The following RHPN2 variants were observed in gnomAD, a reference collection of about 807,000 sequenced individuals.
RHPN2 encodes rhophilin Rho GTPase binding protein 2.
RHPN2 carries 40 observed loss-of-function variants against 79.0 expected under a neutral mutation model. That is an observed-to-expected ratio of 0.51 (90% CI 0.39 to 0.66). The LOEUF (loss-of-function observed/expected upper bound fraction) is 0.66, where lower values mean the gene tolerates loss of function less well. Ranked by LOEUF, RHPN2 falls within the 30% of genes least tolerant of loss-of-function variation. RHPN2 has a pLI of 0.00. For synonymous variants in RHPN2, 285 were observed against 363.5 expected (o/e 0.78, Z 2.46); for missense variants, 686 against 883.5 (o/e 0.78, Z 2.83).
chr19:33,007,902 G>A (rs547268495), intron 7 of RHPN2, 112 bp downstream of exon 7: 1,352 of 1,161,120 alleles, frequency 1.2e-3, no homozygotes, highest in Middle Eastern at 1.5e-3. Context: ...CAGAGCTGGA[G>A]ACTGGTCTGG....
intron 1 of RHPN2, among the ~76,000 whole-genome samples, chr19:33,056,974 G>C (rs1172071773): frequency 2.0e-5 from 3 of 149,174 alleles, no homozygotes; most frequent in Non-Finnish European, 4.4e-5. Context: ...AAAAAAATTA[G>C]CCGGACATGG....
chr19:33,004,347 A>G (rs867684659), intron 7 of RHPN2, among the ~76,000 whole-genome samples: 1 of 151,912 alleles, frequency 6.6e-6, no homozygotes, highest in South Asian at 2.1e-4. Flanking sequence ...ACCAACAAAA[A>G]AAGTTTTTAA....
chr19:33,056,486 C>T (rs934752303), intron 1 of RHPN2, among the ~76,000 whole-genome samples: 2 of 152,004 alleles, frequency 1.3e-5, no homozygotes, highest in African/African-American at 4.8e-5. Context: ...GGGGCAGTTG[C>T]AGAAAAGGAA....
chr19:33,039,843 GA>G (rs11321994), intron 2 of RHPN2, among the ~76,000 whole-genome samples: 22,251 of 89,356 alleles, frequency 0.25, 1,958 homozygotes, highest in East Asian at 0.4. Context: ...GTCTCAAAAA[GA>G]AAAAAAAAAA....
chr19:33,027,103 T>C (rs1971974402), intron 2 of RHPN2: 1 of 257,090 alleles, frequency 3.9e-6, no homozygotes, highest in African/African-American at 2.2e-5. Context: ...TACTAAAAAA[T>C]ACAAAAACTA....
intron 1 of RHPN2, among the ~76,000 whole-genome samples, chr19:33,064,116 G>A (rs1972305704): frequency 6.6e-6 from 1 of 152,128 alleles, no homozygotes; most frequent in Non-Finnish European, 1.5e-5. Flanking sequence ...GACCGGGGCG[G>A]GAGGATCCCT....
intron 5 of RHPN2, 57 bp downstream of exon 5, chr19:33,012,576 CGTGCAATAATGGGG>C: frequency 1.1e-6 from 1 of 921,508 alleles, no homozygotes. Context: ...AGACCACAAG[CGTGCAATAATGGGG>C]TTCCCTGAAG....
intron 2 of RHPN2, among the ~76,000 whole-genome samples, chr19:33,030,421 C>T (rs879527990): frequency 2.0e-5 from 3 of 152,058 alleles, no homozygotes; most frequent in East Asian, 1.9e-4. Flanking sequence ...GGTAAAACCC[C>T]GTCTCTATTA....
intron 11 of RHPN2, among the ~76,000 whole-genome samples, chr19:32,994,961 A>G (rs1971689154): frequency 6.6e-6 from 1 of 152,156 alleles, no homozygotes; most frequent in South Asian, 2.1e-4. Context: ...TCTCAAAAAC[A>G]AACAAACAAA....
intron 1 of RHPN2, among the ~76,000 whole-genome samples, chr19:33,048,725 C>CA (rs58396784): frequency 0.013 from 796 of 62,354 alleles, 31 homozygotes; most frequent in Non-Finnish European, 0.016. Flanking sequence ...GACTCAGTCT[C>CA]AAAAAAAAAA....
At position 33,021,665 on chromosome 19, in the gene RHPN2, G is replaced by A. The variant is rs113512648; in HGVS notation, c.315-19C>T. The A allele has an allele frequency of 2.2e-5, 35 of 1,604,552 alleles. No homozygotes were observed. The highest frequency in any genetic ancestry group is 1.9e-4 in the African/African-American group (14 of 74,874). On this transcript the variant is annotated intron_variant, in intron 3 of 14. Transcript: ENST00000254260. Reference sequence around the variant, plus strand: ...TGCCTCCCTATGAGGAACACAACAAGGTATGTATGAACACCCCCAACCGGA... The same window carrying A: ...TGCCTCCCTATGAGGAACACAACAAAGTATGTATGAACACCCCCAACCGGA...
intron 2 of RHPN2, among the ~76,000 whole-genome samples, chr19:33,040,231 C>CTTTTTTTTTTTTTTTTT (rs1007486362): frequency 1.0e-5 from 1 of 97,790 alleles, no homozygotes; most frequent in Non-Finnish European, 1.9e-5. Flanking sequence ...GGCAACCTGC[C>CTTTTTTTTTTTTTTTTT]TTTTTTTTTT....
At position 32,983,404 on chromosome 19, in the gene RHPN2, T is replaced by C. The variant is rs560080623; in HGVS notation, c.1801-3148A>G. Among the ~76,000 whole-genome samples, 536 of 151,548 alleles carry C rather than the reference T, an allele frequency of 3.5e-3. 2 individuals carry two copies. The highest frequency in any genetic ancestry group is 5.7e-3 in the Non-Finnish European group (384 of 67,862). On this transcript the variant is annotated intron_variant, in intron 14 of 14. Transcript: ENST00000254260. ...GCGGGCACCTGTAGTCCCAGTTACTTGGGAGGCTGAGGCAGGAGAATGGCA... is the reference window on the plus strand; with the variant it reads ...GCGGGCACCTGTAGTCCCAGTTACTCGGGAGGCTGAGGCAGGAGAATGGCA...
intron 1 of RHPN2, among the ~76,000 whole-genome samples, chr19:33,056,657 G>A (rs993248412): frequency 2.6e-5 from 4 of 152,212 alleles, no homozygotes; most frequent in Admixed American, 6.5e-5. Flanking sequence ...AATATAAGTT[G>A]AGAAAGTAAT....
chr19:33,008,322 G>C, intron 6 of RHPN2, 142 bp from the exon 7 acceptor site: 1 of 783,308 alleles, frequency 1.3e-6, no homozygotes, highest in Non-Finnish European at 2.0e-6. Context: ...TGTGATCATA[G>C]CTTACTGCAG....
chr19:32,997,445 A>G (rs748391683), intron 10 of RHPN2, among the ~76,000 whole-genome samples: 7 of 151,838 alleles, frequency 4.6e-5, no homozygotes, highest in Non-Finnish European at 8.8e-5. Context: ...ATGGTAAGAG[A>G]AGACTGGGAA....
intron 1 of RHPN2, among the ~76,000 whole-genome samples, chr19:33,062,165 CCT>C (rs1267133874): frequency 2.0e-5 from 3 of 152,078 alleles, no homozygotes; most frequent in Admixed American, 1.3e-4. Context: ...ATTTTGCACC[CCT>C]GATTCTCTCA....
intron 7 of RHPN2, among the ~76,000 whole-genome samples, chr19:33,004,545 T>TA (rs576607750): frequency 9.1e-4 from 139 of 152,190 alleles, no homozygotes; most frequent in African/African-American, 3.1e-3. Context: ...TTTACTATAA[T>TA]AAAAAAACTG....
intron 2 of RHPN2, among the ~76,000 whole-genome samples, chr19:33,034,726 A>G (rs1972042644): frequency 7.0e-6 from 1 of 143,402 alleles, no homozygotes; most frequent in Non-Finnish European, 1.5e-5. Context: ...GGCTGTGGTG[A>G]GCCAAGATCA....
Sources: gnomAD v4.1 joint callset for allele counts (sites outside exome capture counted in the v4.1 genomes callset) on GRCh38, gnomAD v4.1.1 for gene constraint, MANE v1.5 for transcripts, NCBI Gene and HGNC (gene_info 2026-07-23, HGNC 2026-07-21) for gene names.